Variants in MYCT1 observed in about 807,000 individuals in gnomAD.
MYCT1 encodes the protein myc target protein 1.
In MYCT1, 12 loss-of-function variants were observed where a neutral mutation model predicts 15.0. The observed-to-expected ratio is 0.80, with a 90% CI of 0.51 to 1.29. The LOEUF is 1.29. Among genes scored for constraint, MYCT1 ranks in the 50% most tolerant of loss-of-function variants. The pLI is 0.00. For missense variants in MYCT1, 287 were observed against 279.1 expected, an observed-to-expected ratio of 1.03 and a Z score of -0.20; for synonymous variants, 104 against 102.7, an observed-to-expected ratio of 1.01 and a Z score of -0.07.
At chr6:152,731,133 A>T in the MYCT1 span, among the ~76,000 whole-genome samples, 2 of 152,200 alleles carry the variant, frequency 1.3e-5, no homozygotes, top group African/African-American at 4.8e-5. Flanking sequence ...TCCTACCTTC[A>T]AGTCAATAAA....
At chr6:152,742,281 T>A in the MYCT1 span, among the ~76,000 whole-genome samples, 2 of 152,190 alleles carry the variant, frequency 1.3e-5, no homozygotes, top group Non-Finnish European at 2.9e-5. Flanking sequence ...AATGTTCTAC[T>A]GTAAGCTGAG....
chr6:152,700,709 C>G (rs2099721156), intron 1 of MYCT1, among the ~76,000 whole-genome samples: 1 of 152,126 alleles, frequency 6.6e-6, no homozygotes, highest in African/African-American at 2.4e-5. Flanking sequence ...GAAAATTTGC[C>G]ATGTCCTCCT....
chr6:152,722,013 T>C lies in MYCT1; in HGVS notation c.468T>C (p.Phe156=). The C allele has an allele frequency of 6.2e-7, 1 of 1,614,156 alleles. No homozygotes were observed. ...CTTCCCTGGAACAAGCAAATTCCTT[T>C]CCAAGAAAATCAAGTTTCAGAGCTT... ...RQASLEQANS[F]PRKSSFRAST... Residue 156 remains phenylalanine, a synonymous_variant, in exon 2 of 2, where the codon TTT becomes TTC. Coordinates refer to ENST00000367245, the MANE Select transcript of MYCT1 (RefSeq NM_025107.3).
At chr6:152,731,525 G>A in the MYCT1 span, among the ~76,000 whole-genome samples, 15 of 152,018 alleles carry the variant, frequency 9.9e-5, no homozygotes, top group East Asian at 1.2e-3. Flanking sequence ...TCCCCCTCCC[G>A]CTATCCCACG....
downstream of MYCT1, among the ~76,000 whole-genome samples, chr6:152,728,731 A>G (rs557462476): frequency 6.6e-6 from 1 of 152,170 alleles, no homozygotes; most frequent in South Asian, 2.1e-4. Context: ...CCTCATCTCT[A>G]CTAAAAATCA....
intron 1 of MYCT1, among the ~76,000 whole-genome samples, chr6:152,717,568 G>A (rs1319780219): frequency 6.6e-6 from 1 of 152,050 alleles, no homozygotes; most frequent in African/African-American, 2.4e-5. Flanking sequence ...ATGAGGGGGA[G>A]TTTTCCTGCA....
downstream of MYCT1, among the ~76,000 whole-genome samples, chr6:152,726,271 C>T (rs1012907016): frequency 2.0e-5 from 3 of 152,022 alleles, no homozygotes; most frequent in Non-Finnish European, 1.5e-5. Context: ...GTGGCACATG[C>T]CTGTAATCCC....
chr6:152,722,257 G>A lies in MYCT1; in HGVS notation c.*4G>A, dbSNP rs1482072699. 3.8e-6 allele frequency: 6 copies of A among 1,586,798 alleles called. No individual in the cohort carries two copies. The highest frequency in any genetic ancestry group is 4.3e-6 in the Non-Finnish European group (5 of 1,169,242). On this transcript the variant is annotated 3_prime_UTR_variant, in exon 2 of 2. Transcript: ENST00000367245. ...CAAGGCATTCCCAGATTCCTGAGTA[G>A]GGTGGCTTTTGGTTTTTGTTTCTTT...
In MYCT1 at chr6:152,722,252, G is replaced by C; in HGVS notation, c.707G>C (p.Ter236SerextTer22). ...ESIIKAFPDS[*>S] ...ATCATCAAGGCATTCCCAGATTCCTGAGTAGGGTGGCTTTTGGTTTTTGTT... is the reference window on the plus strand; with the variant it reads ...ATCATCAAGGCATTCCCAGATTCCTCAGTAGGGTGGCTTTTGGTTTTTGTT... Residue 236 changes from the stop codon to serine (S), a stop_lost, in exon 2 of 2, where the codon TGA becomes TCA. Transcript: ENST00000367245. The C allele has an allele frequency of 1.3e-6, 2 of 1,592,192 alleles. No individual in the cohort carries two copies. The highest frequency in any genetic ancestry group is 1.7e-6 in the Non-Finnish European group (2 of 1,171,040).
the MYCT1 span, among the ~76,000 whole-genome samples, chr6:152,745,155 G>T: frequency 6.6e-6 from 1 of 152,160 alleles, no homozygotes; most frequent in Non-Finnish European, 1.5e-5. Context: ...TTTGAAACTG[G>T]TTTTAACACT....
intron 1 of MYCT1, among the ~76,000 whole-genome samples, chr6:152,698,568 T>C (rs2099720806): frequency 6.6e-6 from 1 of 152,184 alleles, no homozygotes; most frequent in Non-Finnish European, 1.5e-5. Context: ...GTTGTGAATG[T>C]TATATGCTTT....
intron 1 of MYCT1, among the ~76,000 whole-genome samples, chr6:152,702,134 C>T (rs1207842349): frequency 1.3e-5 from 2 of 152,094 alleles, no homozygotes; most frequent in African/African-American, 4.8e-5. Flanking sequence ...TCTCCAAAAC[C>T]CTTACAGGTC....
intron 1 of MYCT1, chr6:152,705,822 A>C (rs1438740154): frequency 1.5e-6 from 1 of 686,914 alleles, no homozygotes; most frequent in East Asian, 2.7e-5. Flanking sequence ...AAGAACACTC[A>C]AAATTCCAGC....
At chr6:152,702,223 G>A (rs548405209) in intron 1 of MYCT1, among the ~76,000 whole-genome samples, 13 of 152,154 alleles carry the variant, frequency 8.5e-5, no homozygotes, top group African/African-American at 2.9e-4. Flanking sequence ...ATAGGCCATG[G>A]TTTATTCTTT....
At chr6:152,732,762 T>C in the MYCT1 span, among the ~76,000 whole-genome samples, 3 of 152,186 alleles carry the variant, frequency 2.0e-5, no homozygotes, top group African/African-American at 4.8e-5. Flanking sequence ...GAGAAGGTGA[T>C]GTGAAAATGG....
the MYCT1 span, among the ~76,000 whole-genome samples, chr6:152,741,490 A>G: frequency 1.3e-5 from 2 of 152,196 alleles, no homozygotes; most frequent in African/African-American, 4.8e-5. Context: ...TATTGGGGAT[A>G]TAATGATACA....
chr6:152,703,630 C>T (rs139905267), intron 1 of MYCT1, among the ~76,000 whole-genome samples: 75 of 152,190 alleles, frequency 4.9e-4, no homozygotes, highest in African/African-American at 1.7e-3. Context: ...GTCAAGTTTA[C>T]ATACAATGAA....
At chr6:152,739,500 A>G in the MYCT1 span, among the ~76,000 whole-genome samples, 1 of 151,932 alleles carries the variant, frequency 6.6e-6, no homozygotes, top group Non-Finnish European at 1.5e-5. Flanking sequence ...AAATTTTGCA[A>G]GATGAGAGTT....
chr6:152,732,106 A>C, the MYCT1 span, among the ~76,000 whole-genome samples: 1 of 152,208 alleles, frequency 6.6e-6, no homozygotes, highest in African/African-American at 2.4e-5. Flanking sequence ...AATGTGATGA[A>C]AGACAGAATT....
Sources: gnomAD v4.1 joint callset for allele counts (sites outside exome capture counted in the v4.1 genomes callset) on GRCh38, gnomAD v4.1.1 for gene constraint, MANE v1.5 for transcripts, NCBI Gene and HGNC (gene_info 2026-07-23, HGNC 2026-07-21) for gene names.